Variants in SYN3 observed in about 807,000 individuals in gnomAD.
The protein encoded by SYN3 is synapsin III, also known as synapsin-3.
SYN3 carries 35 observed loss-of-function variants against 65.8 expected under a neutral mutation model. The ratio of observed to expected loss-of-function variants is 0.53; its 90% CI spans 0.41 to 0.70. The LOEUF is 0.70. Ranked by LOEUF, SYN3 falls within the 30% of genes least tolerant of loss-of-function variation. The pLI, the probability that SYN3 is intolerant of heterozygous loss-of-function variation, is 0.00. For synonymous variants in SYN3, 270 were observed against 292.9 expected (o/e 0.92, Z 0.80); for missense variants, 680 against 749.0 (o/e 0.91, Z 1.08).
chr22:32,648,809 T>C (rs773101100), intron 6 of SYN3, among the ~76,000 whole-genome samples: 9 of 152,184 alleles, frequency 5.9e-5, no homozygotes, highest in Non-Finnish European at 8.8e-5. Context: ...TGGACAATTA[T>C]GATTTTTGTT....
intron 6 of SYN3, chr22:32,857,417 A>G (rs1007815700): frequency 1.5e-6 from 2 of 1,306,272 alleles, no homozygotes; most frequent in Non-Finnish European, 1.1e-6. Context: ...CTGTTTCTTG[A>G]CTTCAGAAGA....
chr22:32,978,057 T>C (rs1296251923), intron 3 of SYN3, among the ~76,000 whole-genome samples: 1 of 152,168 alleles, frequency 6.6e-6, no homozygotes, highest in African/African-American at 2.4e-5. Context: ...GAGGAAAGGA[T>C]TGTAAAGCTA....
intron 6 of SYN3, among the ~76,000 whole-genome samples, chr22:32,855,879 C>A (rs1244500916): frequency 6.6e-6 from 1 of 152,158 alleles, no homozygotes; most frequent in East Asian, 1.9e-4. Flanking sequence ...AGCAATTTCA[C>A]GTGGTTCAAT....
chr22:32,606,829 A>G (rs1440206087), intron 6 of SYN3, among the ~76,000 whole-genome samples: 3 of 151,362 alleles, frequency 2.0e-5, no homozygotes, highest in African/African-American at 4.8e-5. Context: ...TAATTTTTAA[A>G]TAAGTATTTA....
intron 6 of SYN3, among the ~76,000 whole-genome samples, chr22:32,802,415 C>G (rs1006929475): frequency 6.6e-6 from 1 of 152,020 alleles, no homozygotes; most frequent in Non-Finnish European, 1.5e-5. Context: ...AAAATGTCCC[C>G]ATTCACTACT....
chr22:32,636,245 C>CA (rs1260291217), intron 6 of SYN3, among the ~76,000 whole-genome samples: 3 of 150,830 alleles, frequency 2.0e-5, no homozygotes, highest in Non-Finnish European at 4.4e-5. Flanking sequence ...ACTAACAACA[C>CA]AAAAAAATCA....
intron 6 of SYN3, among the ~76,000 whole-genome samples, chr22:32,858,418 C>A (rs938494577): frequency 1.3e-5 from 2 of 152,132 alleles, no homozygotes; most frequent in Non-Finnish European, 2.9e-5. Flanking sequence ...GAGTCCCTGG[C>A]CCCACCTGGC....
chr22:32,868,952 G>T lies in SYN3; in HGVS notation c.621+14C>A. On this transcript the variant is annotated intron_variant, in intron 5 of 13. Transcript: ENST00000358763. Reference sequence around the variant, plus strand: ...CTCCCAGATCCCTCCAGGTCAGCCTGCCCTGTCACCTACCACCCAGGGCTT... The same window carrying T: ...CTCCCAGATCCCTCCAGGTCAGCCTTCCCTGTCACCTACCACCCAGGGCTT... The T allele has an allele frequency of 6.2e-7, 1 of 1,612,146 alleles. No individual in the cohort carries two copies. The highest frequency in any genetic ancestry group is 8.5e-7 in the Non-Finnish European group (1 of 1,178,976).
At chr22:32,970,067 C>T (rs1237298511) in intron 3 of SYN3, among the ~76,000 whole-genome samples, 3 of 152,158 alleles carry the variant, frequency 2.0e-5, no homozygotes, top group Non-Finnish European at 2.9e-5. Flanking sequence ...ACTACTCAGA[C>T]AAATGTGTTT....
chr22:32,872,791 A>C (rs754810835), intron 4 of SYN3, among the ~76,000 whole-genome samples: 1 of 152,190 alleles, frequency 6.6e-6, no homozygotes, highest in Non-Finnish European at 1.5e-5. Context: ...CCCAACATTT[A>C]AGGTTGTGAC....
chr22:32,891,685 T>C (rs1300795221), intron 4 of SYN3, among the ~76,000 whole-genome samples: 1 of 152,152 alleles, frequency 6.6e-6, no homozygotes, highest in Non-Finnish European at 1.5e-5. Context: ...GCGATGGCAA[T>C]GCCTAATATA....
At chr22:32,637,616 CTTTTTTTCTTTTTCTTT>C (rs2059834114) in intron 6 of SYN3, among the ~76,000 whole-genome samples, 2 of 127,998 alleles carry the variant, frequency 1.6e-5, no homozygotes, top group East Asian at 4.7e-4. Context: ...GTTAGGTTTT[CTTTTTTTCTTTTTCTTT>C]TTTTTTTTTT....
At chr22:32,993,620 A>T (rs1055260105) in intron 2 of SYN3, among the ~76,000 whole-genome samples, 3 of 152,244 alleles carry the variant, frequency 2.0e-5, no homozygotes, top group Admixed American at 1.3e-4. Context: ...TTGGGATTAC[A>T]GGCGTGAGCC....
intron 1 of SYN3, chr22:33,015,399 T>C: frequency 2.6e-6 from 1 of 384,718 alleles, no homozygotes; most frequent in Non-Finnish European, 5.0e-6. Flanking sequence ...AGAAGCCTTA[T>C]ATTTCTTTAG....
chr22:32,962,436 CT>C (rs2051685072), intron 3 of SYN3, among the ~76,000 whole-genome samples: 1 of 152,098 alleles, frequency 6.6e-6, no homozygotes, highest in Non-Finnish European at 1.5e-5. Context: ...GCCCAGCCTA[CT>C]TTTAGAATCT....
At chr22:32,529,183 C>T (rs130456) in intron 10 of SYN3, 175 bp from the exon 11 acceptor site, 153,067 of 725,074 alleles carry the variant, frequency 0.21, 16,664 homozygotes, top group Admixed American at 0.24. Context: ...CAGTTCCCTT[C>T]GGTTCAGTCT....
At chr22:32,906,484 T>C (rs2049905911) in intron 4 of SYN3, among the ~76,000 whole-genome samples, 1 of 152,192 alleles carries the variant, frequency 6.6e-6, no homozygotes, top group South Asian at 2.1e-4. Context: ...GGAAAAATAG[T>C]AAATATATTA....
In SYN3 at chr22:32,512,084, G is replaced by A. The variant is rs937706999; in HGVS notation, c.*1608C>T. Among the ~76,000 whole-genome samples the A allele has an allele frequency of 6.6e-5, 10 of 152,218 alleles. No individual in the cohort carries two copies. The highest frequency in any genetic ancestry group is 2.4e-4 in the African/African-American group (10 of 41,464). ...AGTTCTAAGTGATCCAATGCCCACA[G>A]AAGGAGAGGGTCTCTGGCCCTGACG... On this transcript the variant is annotated 3_prime_UTR_variant, in exon 14 of 14. Transcript: ENST00000358763.
At chr22:32,896,422 C>T (rs749608774) in intron 4 of SYN3, among the ~76,000 whole-genome samples, 1 of 152,186 alleles carries the variant, frequency 6.6e-6, no homozygotes, top group Non-Finnish European at 1.5e-5. Context: ...CGCCACTGCA[C>T]TCCAGCCTGG....
Sources: gnomAD v4.1 joint callset for allele counts (sites outside exome capture counted in the v4.1 genomes callset) on GRCh38, gnomAD v4.1.1 for gene constraint, MANE v1.5 for transcripts, NCBI Gene and HGNC (gene_info 2026-07-23, HGNC 2026-07-21) for gene names.